The following DYNLRB2 variants were observed in gnomAD, a reference collection of about 807,000 sequenced individuals.
DYNLRB2 encodes dynein light chain roadblock-type 2, also known as bithoraxoid-like protein.
In DYNLRB2, 14 loss-of-function variants were observed where a neutral mutation model predicts 12.6. That is an observed-to-expected ratio of 1.11 (90% CI 0.73 to 1.73). DYNLRB2 has a LOEUF of 1.73. Ranked by LOEUF, DYNLRB2 falls within the 40% of genes most tolerant of loss-of-function variation. The probability of loss-of-function intolerance (pLI) is 0.00; values close to 1 mark genes in which losing one functional copy is unlikely to be tolerated. For synonymous variants in DYNLRB2, 53 were observed against 37.0 expected, an observed-to-expected ratio of 1.43 and a Z score of -1.57; for missense variants, 142 against 117.7, an observed-to-expected ratio of 1.21 and a Z score of -0.95.
chr16:80,541,594 T>G (rs1358873816), intron 1 of DYNLRB2, among the ~76,000 whole-genome samples: 35 of 85,068 alleles, frequency 4.1e-4, no homozygotes, highest in African/African-American at 8.0e-4. Flanking sequence ...GAAAAAGAGG[T>G]AAGAAAAAAA....
At chr16:80,541,575 T>TC (rs1417988498) in intron 1 of DYNLRB2, among the ~76,000 whole-genome samples, 7 of 56,744 alleles carry the variant, frequency 1.2e-4, no homozygotes, top group Admixed American at 5.3e-4. Flanking sequence ...CCCGCCCCCC[T>TC]CCCCCCCAGA....
rs774560482 is a variant in DYNLRB2 at position 80,541,027 on chromosome 16, C to CCCGGGAGGCTGTG, written c.-46_-34dup. On this transcript the variant is annotated 5_prime_UTR_variant, in exon 1 of 4. Transcript: ENST00000305904. ...CAACGGCGGGTAGCGTTGTTGACAT[C>CCCGGGAGGCTGTG]CCGGGAGGCTGTGCCGCCGGCCTGA... 1.3e-6 allele frequency: 2 copies of CCCGGGAGGCTGTG among 1,597,738 alleles called. No individual in the cohort carries two copies. The highest frequency in any genetic ancestry group is 2.7e-5 in the African/African-American group (2 of 74,792).
chr16:80,549,553 CAATG>C lies in DYNLRB2; in HGVS notation c.152_155del (p.Met51LysfsTer15). ...TATGCAGGCCTTCTTCATCACCTGA[CAATG>C]AAAGCCAAAAGCACAGTTCGTGATA... is the stretch of plus-strand genomic sequence containing the variant. On this transcript the variant is annotated frameshift_variant, in exon 3 of 4. Coordinates refer to ENST00000305904, the MANE Select transcript of DYNLRB2 (RefSeq NM_130897.3). LOFTEE classifies it high-confidence loss of function. 6.2e-7 allele frequency: 1 copy of C among 1,613,416 alleles called. No individual in the cohort carries two copies. Among genetic ancestry groups the C allele is most frequent in the South Asian group, 1.1e-5 (1 of 91,006 alleles).
chr16:80,545,112 A>G (rs995781460), intron 2 of DYNLRB2, among the ~76,000 whole-genome samples: 2 of 152,020 alleles, frequency 1.3e-5, no homozygotes, highest in Admixed American at 6.6e-5. Context: ...CACTCATCTA[A>G]TGTGATTCTT....
At chr16:80,541,418 G>GA in intron 1 of DYNLRB2, 1 of 984,304 alleles carries the variant, frequency 1.0e-6, no homozygotes, top group Non-Finnish European at 1.2e-6. Flanking sequence ...GAGGGGGCGG[G>GA]AGGCCGAGAT....
At chr16:80,549,394 A>T in intron 2 of DYNLRB2, 90 bp from the exon 3 acceptor site, 2 of 1,294,934 alleles carry the variant, frequency 1.5e-6, no homozygotes, top group Admixed American at 6.0e-5. Flanking sequence ...TCTCTTCTTT[A>T]CAACTATCAG....
At chr16:80,545,170 G>A (rs927344367) in intron 2 of DYNLRB2, among the ~76,000 whole-genome samples, 1 of 151,854 alleles carries the variant, frequency 6.6e-6, no homozygotes, top group African/African-American at 2.4e-5. Flanking sequence ...ATGCCTCAAA[G>A]GTCTGAAAAA....
rs189551609 is a variant in DYNLRB2, at chr16:80,550,787, T to C, written c.*229T>C. The C allele has an allele frequency of 2.0e-4, 111 of 541,844 alleles. No homozygotes were observed. The highest frequency in any genetic ancestry group is 1.5e-3 in the East Asian group (49 of 33,762). 33.6% of individuals were successfully genotyped at this position (541,844 alleles called of 1,614,324 possible). On this transcript the variant is annotated 3_prime_UTR_variant, in exon 4 of 4. Coordinates refer to ENST00000305904, the MANE Select transcript of DYNLRB2 (RefSeq NM_130897.3). ...TATATACGTCTCTATTGTCTTATAA[T>C]ACACAAAACCAAGGATTCTACTAAG...
At position 80,550,740 on chromosome 16, in the gene DYNLRB2, T is replaced by C. The variant is rs2142317607; in HGVS notation, c.*182T>C. ...ATTATATTGTGAAGTTGTACTTTAG[T>C]GATACAATAAGTGAATTCTGGTATA... is the stretch of plus-strand genomic sequence containing the variant. On this transcript the variant is annotated 3_prime_UTR_variant, in exon 4 of 4. Transcript: ENST00000305904. The C allele has an allele frequency of 1.5e-6, 1 of 656,748 alleles. No homozygotes were observed. The highest frequency in any genetic ancestry group is 2.7e-5 in the East Asian group (1 of 36,448). 40.7% of individuals were successfully genotyped at this position (656,748 alleles called of 1,614,324 possible).
chr16:80,543,351 G>C lies in DYNLRB2; in HGVS notation c.79G>C (p.Gly27Arg). The C allele has an allele frequency of 6.2e-7, 1 of 1,613,774 alleles. No individual in the cohort carries two copies. Among genetic ancestry groups the C allele is most frequent in the Admixed American group, 1.7e-5 (1 of 60,020 alleles). Residue 27 changes from glycine (G) to arginine (R), a missense_variant and splice_region_variant, in exon 2 of 4, where the codon GGT (glycine) becomes CGT (arginine). Coordinates refer to ENST00000305904, the MANE Select transcript of DYNLRB2 (RefSeq NM_130897.3). The stretch of plus-strand genomic sequence containing the variant: ...TGGAACTATGGTTGTAAATGCAGAA[G>C]GTAAATATATCACAGGCTGTCTTCT... ...VIGTMVVNAE[G>R]IPIRTTLDNS...
chr16:80,545,246 A>T (rs914542481), intron 2 of DYNLRB2, among the ~76,000 whole-genome samples: 3 of 152,222 alleles, frequency 2.0e-5, no homozygotes, highest in African/African-American at 7.2e-5. Context: ...TGAAGAAAAT[A>T]TCTAGGTATG....
At chr16:80,542,831 G>A (rs377589830) in intron 1 of DYNLRB2, among the ~76,000 whole-genome samples, 1 of 152,132 alleles carries the variant, frequency 6.6e-6, no homozygotes, top group African/African-American at 2.4e-5. Context: ...TTCTCAATAA[G>A]GACTACTTTT....
intron 1 of DYNLRB2, among the ~76,000 whole-genome samples, chr16:80,542,827 A>G (rs916674876): frequency 1.3e-5 from 2 of 152,234 alleles, no homozygotes; most frequent in African/African-American, 2.4e-5. Flanking sequence ...AGATTTCTCA[A>G]TAAGGACTAC....
chr16:80,550,361 G>A (rs1904765991), intron 3 of DYNLRB2, among the ~76,000 whole-genome samples, 154 bp from the exon 4 acceptor site: 1 of 152,184 alleles, frequency 6.6e-6, no homozygotes, highest in South Asian at 2.1e-4. Context: ...ATTTTCTAAA[G>A]ACTGAACAGG....
intron 1 of DYNLRB2, among the ~76,000 whole-genome samples, chr16:80,541,686 G>A (rs1345903477): frequency 6.6e-6 from 1 of 150,604 alleles, no homozygotes; most frequent in African/African-American, 2.4e-5. Flanking sequence ...AATTATACTA[G>A]GAGCACTTAC....
intron 2 of DYNLRB2, chr16:80,549,278 T>C (rs1904684065): frequency 1.9e-6 from 1 of 518,692 alleles, no homozygotes; most frequent in East Asian, 3.1e-5. Flanking sequence ...GTCAAGTTTG[T>C]AAATATAGTT....
intron 1 of DYNLRB2, 90 bp downstream of exon 1, chr16:80,541,169 C>T: frequency 6.6e-7 from 1 of 1,511,620 alleles, no homozygotes; most frequent in South Asian, 1.3e-5. Flanking sequence ...CCCACCCAGG[C>T]ACGGGCGGTC....
chr16:80,550,098 A>G (rs1264820676), intron 3 of DYNLRB2, among the ~76,000 whole-genome samples: 1 of 152,234 alleles, frequency 6.6e-6, no homozygotes, highest in Non-Finnish European at 1.5e-5. Context: ...CCCTGAAGGA[A>G]TTAGGTTCGC....
At chr16:80,543,709 C>T (rs1226500943) in intron 2 of DYNLRB2, among the ~76,000 whole-genome samples, 1 of 152,138 alleles carries the variant, frequency 6.6e-6, no homozygotes, top group East Asian at 1.9e-4. Flanking sequence ...GGGTTGTTTG[C>T]GTTTCAACAT....
Sources: gnomAD v4.1 joint callset for allele counts (sites outside exome capture counted in the v4.1 genomes callset) on GRCh38, gnomAD v4.1.1 for gene constraint, MANE v1.5 for transcripts, NCBI Gene and HGNC (gene_info 2026-07-23, HGNC 2026-07-21) for gene names.